TMEM108: variants seen among roughly 807,000 people sequenced by gnomAD.
TMEM108 encodes the protein cancer/testis antigen 124.
TMEM108 carries 12 observed loss-of-function variants against 35.1 expected under a neutral mutation model. The observed-to-expected ratio is 0.34, with a 90% confidence interval of 0.22 to 0.55. The LOEUF is 0.55. Ranked by LOEUF, TMEM108 falls within the 20% of genes least tolerant of loss-of-function variation. TMEM108 has a pLI of 0.89. For missense variants in TMEM108, 680 were observed against 753.3 expected, an observed-to-expected ratio of 0.90 and a Z score of 1.14; for synonymous variants, 287 against 308.6, an observed-to-expected ratio of 0.93 and a Z score of 0.73.
chr3:133,328,830 C>G (rs1312210824), intron 3 of TMEM108, among the ~76,000 whole-genome samples: 1 of 152,154 alleles, frequency 6.6e-6, no homozygotes, highest in Non-Finnish European at 1.5e-5. Context: ...ACAATGCTTT[C>G]TGAACCTTCT....
At chr3:133,382,387 G>A (rs574528338) in intron 4 of TMEM108, among the ~76,000 whole-genome samples, 33 of 152,328 alleles carry the variant, frequency 2.2e-4, no homozygotes, top group Non-Finnish European at 4.0e-4. Context: ...AAACAGCTCT[G>A]AAAGGCAGCC....
chr3:133,378,156 G>T (rs1449896945), intron 3 of TMEM108, among the ~76,000 whole-genome samples: 3 of 152,224 alleles, frequency 2.0e-5, no homozygotes, highest in Admixed American at 2.0e-4. Context: ...TGGTCCTAGA[G>T]TTGGTGGGTG....
At chr3:133,154,127 G>T (rs1944841911) in intron 2 of TMEM108, among the ~76,000 whole-genome samples, 1 of 151,620 alleles carries the variant, frequency 6.6e-6, no homozygotes, top group Admixed American at 6.6e-5. Context: ...CCCACTTTTT[G>T]ATGGGGTTGT....
chr3:133,177,869 A>G (rs1047023842), intron 2 of TMEM108, among the ~76,000 whole-genome samples: 1 of 152,300 alleles, frequency 6.6e-6, no homozygotes, highest in South Asian at 2.1e-4. Context: ...GAGGAAGTCA[A>G]ATTGTCCCTG....
Position 133,350,125 on chromosome 3 carries a change from A to G in TMEM108, c.41-29627A>G, listed in dbSNP as rs550442393. Among the ~76,000 whole-genome samples the G allele has an allele frequency of 1.2e-4, 19 of 152,264 alleles. 1 individual carries two copies. In the South Asian group the frequency reaches 3.9e-3, roughly 32 times the overall value. On this transcript the variant is annotated intron_variant, in intron 3 of 5. Coordinates refer to ENST00000321871, the MANE Select transcript of TMEM108 (RefSeq NM_023943.4). ...GAAGGAAATCCTGTCCTTTGCAACAACATGGATCAGCTTGGAGGACATTAT... is the reference window on the plus strand; with the variant it reads ...GAAGGAAATCCTGTCCTTTGCAACAGCATGGATCAGCTTGGAGGACATTAT...
intron 2 of TMEM108, among the ~76,000 whole-genome samples, chr3:133,214,970 G>A (rs1209617457): frequency 2.6e-5 from 4 of 152,078 alleles, no homozygotes; most frequent in African/African-American, 7.2e-5. Flanking sequence ...TGTCCTTCTC[G>A]AAACTGGTCC....
chr3:133,112,069 T>G (rs1478659963), intron 2 of TMEM108, among the ~76,000 whole-genome samples: 1 of 152,116 alleles, frequency 6.6e-6, no homozygotes, highest in Non-Finnish European at 1.5e-5. Flanking sequence ...TTTTTTTTCT[T>G]TCCTAAAGAA....
chr3:133,375,952 C>T (rs1408718084), intron 3 of TMEM108, among the ~76,000 whole-genome samples: 1 of 152,170 alleles, frequency 6.6e-6, no homozygotes, highest in East Asian at 1.9e-4. Flanking sequence ...TCCCTTGGCA[C>T]CCACGGTGGC....
intron 2 of TMEM108, among the ~76,000 whole-genome samples, chr3:133,101,576 C>T (rs1260188286): frequency 6.6e-6 from 1 of 152,146 alleles, no homozygotes; most frequent in Admixed American, 6.6e-5. Flanking sequence ...GGCTTCATTC[C>T]TGTTAAAATA....
At chr3:133,254,232 A>C (rs1286669255) in intron 3 of TMEM108, among the ~76,000 whole-genome samples, 1 of 152,222 alleles carries the variant, frequency 6.6e-6, no homozygotes, top group Non-Finnish European at 1.5e-5. Flanking sequence ...TACCTAGGAA[A>C]ATTTCATCTA....
At chr3:133,234,037 T>G (rs1946195641) in intron 3 of TMEM108, among the ~76,000 whole-genome samples, 1 of 152,194 alleles carries the variant, frequency 6.6e-6, no homozygotes, top group South Asian at 2.1e-4. Flanking sequence ...AGAAGCTCTT[T>G]AGTTTATTTA....
chr3:133,066,229 C>T (rs973489723), intron 2 of TMEM108, among the ~76,000 whole-genome samples: 1 of 152,116 alleles, frequency 6.6e-6, no homozygotes, highest in East Asian at 1.9e-4. Flanking sequence ...AGTTCATTCC[C>T]ATTGCCATCT....
intron 2 of TMEM108, among the ~76,000 whole-genome samples, chr3:133,108,380 C>G (rs1001866050): frequency 4.6e-5 from 7 of 152,074 alleles, no homozygotes; most frequent in African/African-American, 1.7e-4. Flanking sequence ...TGATGATGAG[C>G]ATTTTTTCAT....
chr3:133,230,615 C>G (rs142582539), intron 3 of TMEM108, among the ~76,000 whole-genome samples: 2 of 152,266 alleles, frequency 1.3e-5, no homozygotes, highest in East Asian at 3.9e-4. Flanking sequence ...ATTTTACATA[C>G]ACACATACAC....
intron 2 of TMEM108, among the ~76,000 whole-genome samples, chr3:133,078,177 A>AG (rs1943766948): frequency 4.1e-5 from 1 of 24,510 alleles, no homozygotes; most frequent in Admixed American, 4.3e-4. Flanking sequence ...GCGCGCGCAC[A>AG]CGTGTGTGTG....
At chr3:133,379,653 C>T in intron 3 of TMEM108, 99 bp from the exon 4 acceptor site, 1 of 1,212,648 alleles carries the variant, frequency 8.2e-7, no homozygotes, top group Non-Finnish European at 1.2e-6. Context: ...CCTGACGTTT[C>T]CTGAGTTCCC....
At chr3:133,340,572 G>C (rs1203448123) in intron 3 of TMEM108, among the ~76,000 whole-genome samples, 1 of 151,222 alleles carries the variant, frequency 6.6e-6, no homozygotes, top group Non-Finnish European at 1.5e-5. Context: ...TATAAGACCA[G>C]TATCACCCTG....
chr3:133,046,923 G>C (rs1429884511), intron 2 of TMEM108, among the ~76,000 whole-genome samples: 1 of 152,152 alleles, frequency 6.6e-6, no homozygotes, highest in Non-Finnish European at 1.5e-5. Flanking sequence ...ACCTTTGCTA[G>C]ATAATGTCCC....
chr3:133,381,178 C>G lies in TMEM108; in HGVS notation c.1450+17C>G, dbSNP rs746085639. 6.4e-7 allele frequency: 1 copy of G among 1,571,580 alleles called. No homozygotes were observed. The highest frequency in any genetic ancestry group is 8.7e-7 in the Non-Finnish European group (1 of 1,154,336). On this transcript the variant is annotated intron_variant, in intron 4 of 5. Transcript: ENST00000321871. ...CCTCCTGCTGTAAGTGCCGCCCTCT[C>G]CCACCCATCCTCTCCCTCTACCACA...
Sources: allele counts gnomAD v4.1 joint callset (sites outside exome capture counted in the v4.1 genomes callset), GRCh38; gene constraint gnomAD v4.1.1; transcripts MANE v1.5; gene names NCBI Gene and HGNC (gene_info 2026-07-23, HGNC 2026-07-21).